The following VSTM2B variants were observed in gnomAD, a reference collection of about 807,000 sequenced individuals.
The protein encoded by VSTM2B is V-set and transmembrane domain-containing protein 2B.
In VSTM2B, 24 loss-of-function variants were observed where a neutral mutation model predicts 24.0. The ratio of observed to expected loss-of-function variants is 1.00; its 90% confidence interval spans 0.72 to 1.40. VSTM2B has a LOEUF of 1.40. Among genes scored for constraint, VSTM2B ranks in the 40% most tolerant of loss-of-function variants. VSTM2B has a pLI of 0.00. For missense variants in VSTM2B, 399 were observed against 416.4 expected (o/e 0.96, Z 0.36); for synonymous variants, 226 against 194.4 (o/e 1.16, Z -1.35).
rs376019680 is a variant in VSTM2B at position 29,556,877 on chromosome 19, CAG to C, written c.770-6964_770-6963del. The stretch of plus-strand genomic sequence containing the variant: ...ACTACAAATCACTGCTCAAGGAAAT[CAG>C]AGAGGACACAAACAAATGGAAAAAC... On this transcript the variant is annotated intron_variant, in intron 4 of 4. Coordinates refer to ENST00000335523, the MANE Select transcript of VSTM2B (RefSeq NM_001146339.2). 1.8e-4 allele frequency among the ~76,000 whole-genome samples: 27 copies of C among 152,164 alleles called. No homozygotes were observed. The South Asian group carries it at 3.5e-3, about 20-fold the overall frequency.
intron 4 of VSTM2B, among the ~76,000 whole-genome samples, chr19:29,552,529 C>G (rs1970310449): frequency 6.6e-6 from 1 of 152,192 alleles, no homozygotes; most frequent in Admixed American, 6.5e-5. Flanking sequence ...CTACCTTACC[C>G]AGGAAACCAT....
intron 4 of VSTM2B, among the ~76,000 whole-genome samples, chr19:29,548,622 G>A (rs1478406818): frequency 6.6e-6 from 1 of 152,216 alleles, no homozygotes; most frequent in South Asian, 2.1e-4. Context: ...CTGGGCCAGT[G>A]CTGCGTCCAG....
chr19:29,560,484 T>C (rs368403104), intron 4 of VSTM2B, among the ~76,000 whole-genome samples: 16 of 152,038 alleles, frequency 1.1e-4, no homozygotes, highest in Non-Finnish European at 1.8e-4. Flanking sequence ...CTTGGTTCCC[T>C]CCCACCCCAA....
At chr19:29,547,864 A>C (rs1970187662) in intron 4 of VSTM2B, among the ~76,000 whole-genome samples, 1 of 152,126 alleles carries the variant, frequency 6.6e-6, no homozygotes, top group South Asian at 2.1e-4. Context: ...ACATGGCTGC[A>C]GCAGGGGAAT....
intron 4 of VSTM2B, among the ~76,000 whole-genome samples, chr19:29,548,903 G>A (rs1300008374): frequency 6.6e-6 from 1 of 152,196 alleles, no homozygotes; most frequent in East Asian, 1.9e-4. Context: ...TGAGCAAAAG[G>A]GGCCCAACTG....
chr19:29,529,352 C>A (rs1232328511), intron 3 of VSTM2B, among the ~76,000 whole-genome samples: 1 of 152,024 alleles, frequency 6.6e-6, no homozygotes, highest in East Asian at 1.9e-4. Flanking sequence ...GCAGGCCCTC[C>A]GTGCTCCGGG....
At chr19:29,540,113 GAGGAAAGAT>G (rs1969988896) in intron 4 of VSTM2B, among the ~76,000 whole-genome samples, 1 of 152,236 alleles carries the variant, frequency 6.6e-6, no homozygotes, top group Non-Finnish European at 1.5e-5. Context: ...GCTTGGCCCA[GAGGAAAGAT>G]CTTTAATAAA....
intron 4 of VSTM2B, among the ~76,000 whole-genome samples, chr19:29,531,002 G>T (rs948795788): frequency 1.3e-5 from 2 of 150,678 alleles, no homozygotes; most frequent in Non-Finnish European, 3.0e-5. Flanking sequence ...GATTGGGGAT[G>T]GGGGGCGGGA....
At chr19:29,539,273 C>T (rs921678588) in intron 4 of VSTM2B, among the ~76,000 whole-genome samples, 14 of 152,242 alleles carry the variant, frequency 9.2e-5, no homozygotes, top group Admixed American at 7.2e-4. Context: ...CATGCCTGGT[C>T]GTGCTTCTTT....
intron 2 of VSTM2B, among the ~76,000 whole-genome samples, chr19:29,528,095 G>A (rs1969632768): frequency 6.6e-6 from 1 of 152,194 alleles, no homozygotes; most frequent in African/African-American, 2.4e-5. Context: ...GTGAGCTGGG[G>A]GAGGATTTTG....
At chr19:29,551,957 G>C (rs1970293861) in intron 4 of VSTM2B, among the ~76,000 whole-genome samples, 2 of 152,208 alleles carry the variant, frequency 1.3e-5, no homozygotes, top group Non-Finnish European at 2.9e-5. Context: ...CGTACCCTCT[G>C]GGCCTTGCCT....
At chr19:29,558,295 A>G (rs1970456036) in intron 4 of VSTM2B, among the ~76,000 whole-genome samples, 1 of 152,226 alleles carries the variant, frequency 6.6e-6, no homozygotes, top group Admixed American at 6.5e-5. Flanking sequence ...TTTGGGAAAC[A>G]GTGTGGTGAT....
rs866379967 is a variant in VSTM2B, at chr19:29,528,952, G to T, written c.297+490G>T. ...TGCGGGGTGTTGCAGGCTTGCAGGGGACGGGGTAGGGGGTGGTTGTGCCAG... is the reference window on the plus strand; with the variant it reads ...TGCGGGGTGTTGCAGGCTTGCAGGGTACGGGGTAGGGGGTGGTTGTGCCAG... On this transcript the variant is annotated intron_variant, in intron 3 of 4. Transcript: ENST00000335523. The T allele has an allele frequency of 6.1e-6, 6 of 985,474 alleles. 1 individual carries two copies. The Middle Eastern group carries it at 2.1e-3, about 343-fold the overall frequency. The allele number at this position is 985,474 out of a possible 1,614,324, so 61.0% of individuals were successfully genotyped here.
chr19:29,530,410 A>G (rs557709971), intron 4 of VSTM2B, 120 bp downstream of exon 4: 7 of 860,462 alleles, frequency 8.1e-6, no homozygotes, highest in African/African-American at 1.8e-5. Context: ...GCATATGCAT[A>G]CTCCTTCCTA....
chr19:29,530,049 A>AGCCAGCGCC lies in VSTM2B; in HGVS notation c.533_541dup (p.Ser178_Ala180dup). On this transcript the variant is annotated inframe_insertion, in exon 4 of 5. Coordinates refer to ENST00000335523, the MANE Select transcript of VSTM2B (RefSeq NM_001146339.2). ...GCAGCGGCCCGCGTCGCCACGGCCC[A>AGCCAGCGCC]GCCAGCGCCGCCAACGCCAACAACG... The AGCCAGCGCC allele has an allele frequency of 6.6e-7, 1 of 1,518,892 alleles. No individual in the cohort carries two copies. The highest frequency in any genetic ancestry group is 1.9e-4 in the Middle Eastern group (1 of 5,284). The allele number at this position is 1,518,892 out of a possible 1,614,324, so 94.1% of individuals were successfully genotyped here. A position where few individuals can be genotyped will look rare whatever the true frequency, so the allele number is the denominator to read the frequency against.
Position 29,528,548 on chromosome 19 carries a change from G to T in VSTM2B, c.297+86G>T, listed in dbSNP as rs1478050560. The T allele has an allele frequency of 1.2e-5, 18 of 1,505,354 alleles. No individual in the cohort carries two copies. The East Asian group carries it at 4.4e-4, about 37-fold the overall frequency. The allele number at this position is 1,505,354 out of a possible 1,614,324, so 93.2% of individuals were successfully genotyped here. ...GCTCCCTCCCTTAGCAAGCCGCGGC[G>T]GCCGCGCATGTGGGGCCGCGCAAGT... On this transcript the variant is annotated intron_variant, in intron 3 of 4. Transcript: ENST00000335523.
chr19:29,557,478 A>T (rs951703289), intron 4 of VSTM2B, among the ~76,000 whole-genome samples: 1 of 152,188 alleles, frequency 6.6e-6, no homozygotes, highest in African/African-American at 2.4e-5. Flanking sequence ...TGGGTGGATC[A>T]CCTGAGGTCA....
chr19:29,548,627 G>T (rs886066909), intron 4 of VSTM2B, among the ~76,000 whole-genome samples: 6 of 152,198 alleles, frequency 3.9e-5, no homozygotes, highest in Non-Finnish European at 8.8e-5. Context: ...CCAGTGCTGC[G>T]TCCAGGGGAG....
At chr19:29,538,577 T>C (rs1223734444) in intron 4 of VSTM2B, among the ~76,000 whole-genome samples, 1 of 152,186 alleles carries the variant, frequency 6.6e-6, no homozygotes, top group Non-Finnish European at 1.5e-5. Flanking sequence ...AGGGAATACC[T>C]GAGTCTGGTC....
Sources: allele counts gnomAD v4.1 joint callset (sites outside exome capture counted in the v4.1 genomes callset), GRCh38; gene constraint gnomAD v4.1.1; transcripts MANE v1.5; gene names NCBI Gene and HGNC (gene_info 2026-07-23, HGNC 2026-07-21).